DISC1: variants seen among roughly 807,000 people sequenced by gnomAD.
DISC1 encodes the protein DISC1 scaffold protein.
In DISC1, 57 loss-of-function variants were observed where a neutral mutation model predicts 84.5. The observed-to-expected ratio is 0.67, with a 90% CI of 0.55 to 0.84. The LOEUF is 0.84. Among genes scored for constraint, DISC1 ranks in the 40% least tolerant of loss-of-function variants. The pLI is 0.00. For missense variants in DISC1, 1,000 were observed against 1,057.8 expected (o/e 0.95, Z 0.76); for synonymous variants, 411 against 415.2 (o/e 0.99, Z 0.12).
At chr1:231,781,244 T>C (rs2077405984) in intron 6 of DISC1, among the ~76,000 whole-genome samples, 1 of 150,678 alleles carries the variant, frequency 6.6e-6, no homozygotes, top group Non-Finnish European at 1.5e-5. Context: ...CGATGATTTT[T>C]GAATAACAGA....
At chr1:231,845,687 G>T (rs2083403195) in intron 9 of DISC1, among the ~76,000 whole-genome samples, 1 of 152,166 alleles carries the variant, frequency 6.6e-6, no homozygotes, top group Non-Finnish European at 1.5e-5. Context: ...GTGGCAGGAA[G>T]GTGAGTGAAG....
intron 1 of DISC1, among the ~76,000 whole-genome samples, chr1:231,686,515 G>A (rs2064298859): frequency 6.6e-6 from 1 of 152,156 alleles, no homozygotes; most frequent in South Asian, 2.1e-4. Context: ...GAGCAGCTGG[G>A]ACACAGGGTA....
In DISC1 at chr1:231,886,799, CT is replaced by C. The variant is rs1437928835; in HGVS notation, c.1981+68285del. Among the ~76,000 whole-genome samples, 846 of 142,436 alleles carry C rather than the reference CT, an allele frequency of 5.9e-3. 16 individuals carry two copies. The highest frequency in any genetic ancestry group is 0.021 in the African/African-American group (807 of 38,502). 93.4% of individuals were successfully genotyped at this position (142,436 alleles called of 152,430 possible). A position where few individuals can be genotyped will look rare whatever the true frequency, so the allele number is the denominator to read the frequency against. ...TCTTTCTTTCTTTCTTTCTTTCTTTCTTTCTTTCTTTCTTTCTTTCTTTCTT... is the reference window on the plus strand; with the variant it reads ...TCTTTCTTTCTTTCTTTCTTTCTTTCTTCTTTCTTTCTTTCTTTCTTTCTT... On this transcript the variant is annotated intron_variant, in intron 9 of 12. Transcript: ENST00000439617.
intron 3 of DISC1, among the ~76,000 whole-genome samples, chr1:231,727,109 C>CAAGATGATA: frequency 6.6e-6 from 1 of 152,154 alleles, no homozygotes. Context: ...CAGGTGTCTG[C>CAAGATGATA]AAGATGATAA....
rs2065678637 is a variant in DISC1, at chr1:231,696,204, A to G, written c.1047+1399A>G. On this transcript the variant is annotated intron_variant, in intron 2 of 12. Transcript: ENST00000439617. ...TACTGCTAATCTGTCTCTCATCACCATGGCCGCTGCCCTGGCTCAGATCCT... is the reference window on the plus strand; with the variant it reads ...TACTGCTAATCTGTCTCTCATCACCGTGGCCGCTGCCCTGGCTCAGATCCT... Among the ~76,000 whole-genome samples the G allele has an allele frequency of 2.6e-5, 4 of 152,234 alleles. No individual in the cohort carries two copies. In the South Asian group the frequency reaches 8.3e-4, roughly 32 times the overall value.
At chr1:231,827,707 G>C (rs1427718409) in intron 9 of DISC1, among the ~76,000 whole-genome samples, 1 of 152,108 alleles carries the variant, frequency 6.6e-6, no homozygotes, top group Non-Finnish European at 1.5e-5. Context: ...TGCTGCCCTG[G>C]GCCCTTAGTC....
At chr1:232,033,987 T>C (rs188963006) in intron 12 of DISC1, among the ~76,000 whole-genome samples, 5 of 152,292 alleles carry the variant, frequency 3.3e-5, no homozygotes, top group African/African-American at 1.2e-4. Context: ...TTCTACAATA[T>C]GCTTTCCCCC....
At chr1:231,681,717 A>G (rs2063715192) in intron 1 of DISC1, among the ~76,000 whole-genome samples, 1 of 151,780 alleles carries the variant, frequency 6.6e-6, no homozygotes, top group Non-Finnish European at 1.5e-5. Flanking sequence ...TTTTTTTAGA[A>G]GGAGTTTTAC....
intron 4 of DISC1, among the ~76,000 whole-genome samples, chr1:231,766,078 T>A (rs1031210374): frequency 5.3e-5 from 8 of 151,828 alleles, no homozygotes; most frequent in Non-Finnish European, 1.2e-4. Context: ...TCACTTGAGG[T>A]CAGGAATTCG....
chr1:231,729,792 A>G (rs568161197), intron 3 of DISC1, among the ~76,000 whole-genome samples: 1 of 149,358 alleles, frequency 6.7e-6, no homozygotes, highest in African/African-American at 2.5e-5. Context: ...CTGCCATGTC[A>G]TTAGCCAGAG....
At chr1:231,759,548 A>AAAAC (rs2075454628) in intron 4 of DISC1, among the ~76,000 whole-genome samples, 1 of 139,384 alleles carries the variant, frequency 7.2e-6, no homozygotes, top group South Asian at 2.2e-4. Flanking sequence ...AAAAAAAAAA[A>AAAAC]AAACAAAACT....
intron 9 of DISC1, among the ~76,000 whole-genome samples, chr1:231,893,605 A>C (rs555383828): frequency 6.6e-6 from 1 of 152,132 alleles, no homozygotes; most frequent in Non-Finnish European, 1.5e-5. Flanking sequence ...GGTCAGATCT[A>C]CTTTGAGTAA....
chr1:231,738,584 G>A (rs143212618), intron 3 of DISC1, among the ~76,000 whole-genome samples: 12 of 152,184 alleles, frequency 7.9e-5, no homozygotes, highest in East Asian at 1.9e-4. Flanking sequence ...GACCCCTCCC[G>A]CCACTGTGGA....
At chr1:232,033,577 C>T (rs939991349) in intron 12 of DISC1, among the ~76,000 whole-genome samples, 1 of 152,210 alleles carries the variant, frequency 6.6e-6, no homozygotes, top group Non-Finnish European at 1.5e-5. Context: ...TTCTGCTGCA[C>T]TCATAGGTAT....
At chr1:231,779,717 G>A (rs1329326675) in intron 6 of DISC1, among the ~76,000 whole-genome samples, 2 of 151,800 alleles carry the variant, frequency 1.3e-5, no homozygotes, top group East Asian at 1.9e-4. Context: ...CGGCCACCAC[G>A]CCCGGCTAAT....
intron 3 of DISC1, among the ~76,000 whole-genome samples, chr1:231,704,115 A>T (rs2066736220): frequency 6.6e-6 from 1 of 152,120 alleles, no homozygotes; most frequent in Non-Finnish European, 1.5e-5. Flanking sequence ...GTGTGTTGAG[A>T]GGTAAATGTT....
chr1:231,957,338 TG>T (rs1380024464), intron 9 of DISC1, among the ~76,000 whole-genome samples: 1 of 152,228 alleles, frequency 6.6e-6, no homozygotes, highest in African/African-American at 2.4e-5. Flanking sequence ...ATGCCTTCCC[TG>T]ACCACTCTAC....
In DISC1 at chr1:232,032,751, T is replaced by C. The variant is rs891443305; in HGVS notation, c.2426-3941T>C. 1.8e-4 allele frequency among the ~76,000 whole-genome samples: 28 copies of C among 152,324 alleles called. 1 individual carries two copies. The highest frequency in any genetic ancestry group is 7.7e-4 in the East Asian group (4 of 5,176). On this transcript the variant is annotated intron_variant, in intron 12 of 12. Transcript: ENST00000439617. ...TGCAGTTAGCACCTCTATTCTAGTT[T>C]TGGAATTTGCCTAAATTGTCAATAG...
intron 3 of DISC1, among the ~76,000 whole-genome samples, chr1:231,748,360 G>A (rs1025746214): frequency 6.6e-6 from 1 of 152,164 alleles, no homozygotes; most frequent in African/African-American, 2.4e-5. Flanking sequence ...TCAGTAAGAT[G>A]TTCACTGTGT....
Sources: allele counts gnomAD v4.1 joint callset (sites outside exome capture counted in the v4.1 genomes callset), GRCh38; gene constraint gnomAD v4.1.1; transcripts MANE v1.5; gene names NCBI Gene and HGNC (gene_info 2026-07-23, HGNC 2026-07-21).